Variants in RAB33A observed in about 807,000 individuals in gnomAD.
RAB33A encodes ras-related protein Rab-33A.
Under a neutral mutation model 12.0 loss-of-function variants are expected in RAB33A, and 6 were observed. The ratio of observed to expected loss-of-function variants is 0.50; its 90% confidence interval spans 0.27 to 0.99. RAB33A has a LOEUF of 0.99. RAB33A is among the 50% of genes least tolerant of loss of function. RAB33A has a pLI of 0.11. For synonymous variants in RAB33A, 70 were observed against 82.4 expected (o/e 0.85, Z 0.81); for missense variants, 109 against 192.0 (o/e 0.57, Z 2.55).
At chrX:130,126,318 C>T in the RAB33A span, among the ~76,000 whole-genome samples, 1 of 110,642 alleles carries the variant, frequency 9.0e-6, no homozygotes, top group Non-Finnish European at 1.9e-5. Context: ...GTGGCGAAAC[C>T]CCATCTCTAC....
chrX:130,163,486 T>A, the RAB33A span, among the ~76,000 whole-genome samples: 1 of 111,105 alleles, frequency 9.0e-6, no homozygotes, highest in Non-Finnish European at 1.9e-5. Context: ...AATGAGAGTA[T>A]CAGAACTTCT....
chrX:130,165,715 G>C, the RAB33A span: 4 of 977,125 alleles, frequency 4.1e-6, no homozygotes, highest in African/African-American at 3.8e-5. Flanking sequence ...CGACCGACGG[G>C]TCAAACACCG....
the RAB33A span, chrX:130,147,372 T>C: frequency 1.1e-6 from 1 of 887,221 alleles, no homozygotes. Context: ...TGGACCACAG[T>C]AGACTCTAGT....
chrX:130,177,030 G>A (rs766078835), intron 1 of RAB33A, among the ~76,000 whole-genome samples: 2 of 112,287 alleles, frequency 1.8e-5, no homozygotes, highest in African/African-American at 3.2e-5. Flanking sequence ...GCTGAAGCTC[G>A]CCCAGAAAAT....
chrX:130,147,673 G>A, the RAB33A span: 1 of 1,211,435 alleles, frequency 8.3e-7, no homozygotes, highest in Non-Finnish European at 1.1e-6. Flanking sequence ...CATTTAAGGG[G>A]CAAATGTCAA....
the RAB33A span, among the ~76,000 whole-genome samples, chrX:130,118,934 G>A: frequency 1.8e-5 from 2 of 111,909 alleles, no homozygotes; most frequent in Non-Finnish European, 3.8e-5. Context: ...CTGCAAAGCA[G>A]TATGGTATGT....
the RAB33A span, among the ~76,000 whole-genome samples, chrX:130,125,955 C>A: frequency 8.9e-6 from 1 of 112,454 alleles, no homozygotes. Flanking sequence ...TTACAGGTAG[C>A]CAGGCAGAGG....
chrX:130,166,598 T>G, the RAB33A span, among the ~76,000 whole-genome samples: 1 of 112,688 alleles, frequency 8.9e-6, no homozygotes, highest in Non-Finnish European at 1.9e-5. Flanking sequence ...ATGTTTTGGC[T>G]GCATGCAGAA....
At chrX:130,129,245 G>A in the RAB33A span, 1 of 325,706 alleles carries the variant, frequency 3.1e-6, no homozygotes, top group Non-Finnish European at 5.5e-6. Flanking sequence ...TCTGGAGTAG[G>A]GCATGAATAC....
intron 1 of RAB33A, among the ~76,000 whole-genome samples, chrX:130,173,722 C>A (rs143672509): frequency 8.9e-6 from 1 of 111,868 alleles, no homozygotes; most frequent in African/African-American, 3.3e-5. Context: ...AAGTCAAAGG[C>A]GGTATCTGTC....
chrX:130,129,233 C>T, the RAB33A span: 2 of 298,995 alleles, frequency 6.7e-6, no homozygotes, highest in South Asian at 3.8e-5. Context: ...AGGAGTTTTG[C>T]GTCTGGAGTA....
the RAB33A span, among the ~76,000 whole-genome samples, chrX:130,152,348 C>G: frequency 9.0e-6 from 1 of 110,949 alleles, no homozygotes; most frequent in Non-Finnish European, 1.9e-5. Flanking sequence ...GTCGATCTGT[C>G]TGATATATAT....
At chrX:130,156,600 T>C in the RAB33A span, 1 of 1,211,011 alleles carries the variant, frequency 8.3e-7, no homozygotes, top group South Asian at 1.8e-5. Flanking sequence ...CTGGAACAAG[T>C]TGCCTAAGAA....
the RAB33A span, among the ~76,000 whole-genome samples, chrX:130,134,093 C>T: frequency 2.4e-3 from 269 of 110,166 alleles, no homozygotes; most frequent in Non-Finnish European, 3.7e-3. Flanking sequence ...AAAAATTAGG[C>T]GTGTGTGGTG....
At chrX:130,134,463 T>C in the RAB33A span, among the ~76,000 whole-genome samples, 2 of 111,127 alleles carry the variant, frequency 1.8e-5, no homozygotes, top group Admixed American at 9.7e-5. Flanking sequence ...TCAGTATTCA[T>C]TCATTCGACA....
At chrX:130,119,426 G>A in the RAB33A span, among the ~76,000 whole-genome samples, 1 of 112,294 alleles carries the variant, frequency 8.9e-6, no homozygotes, top group Non-Finnish European at 1.9e-5. Context: ...AGAGCTCACC[G>A]CTCAGGTCCT....
the RAB33A span, among the ~76,000 whole-genome samples, chrX:130,152,157 TA>T: frequency 9.0e-6 from 1 of 111,385 alleles, no homozygotes; most frequent in Non-Finnish European, 1.9e-5. Context: ...AAGTTTTACC[TA>T]AAAAGATGGC....
At chrX:130,176,616 A>G (rs1321374716) in intron 1 of RAB33A, among the ~76,000 whole-genome samples, 1 of 112,325 alleles carries the variant, frequency 8.9e-6, no homozygotes, top group African/African-American at 3.2e-5. Flanking sequence ...TTTCTTCCTT[A>G]GGGCTTCTGA....
chrX:130,136,258 T>C, the RAB33A span: 14 of 1,105,662 alleles, frequency 1.3e-5, no homozygotes, highest in Admixed American at 2.9e-4. Flanking sequence ...ACAATGGCCC[T>C]TCATGCCATT....
Sources: allele counts gnomAD v4.1 joint callset (sites outside exome capture counted in the v4.1 genomes callset), GRCh38; gene constraint gnomAD v4.1.1; transcripts MANE v1.5; gene names NCBI Gene and HGNC (gene_info 2026-07-23, HGNC 2026-07-21).